The following MAP3K5 variants were observed in gnomAD, a reference collection of about 807,000 sequenced individuals.
The protein encoded by MAP3K5 is mitogen-activated protein kinase kinase kinase 5.
Under a neutral mutation model 158.7 loss-of-function variants are expected in MAP3K5, and 56 were observed. That is an observed-to-expected ratio of 0.35 (90% confidence interval 0.28 to 0.44). The LOEUF is 0.44. Ranked by LOEUF, MAP3K5 falls within the 20% of genes least tolerant of loss-of-function variation. The probability of loss-of-function intolerance (pLI) is 1.00; values close to 1 mark genes in which losing one functional copy is unlikely to be tolerated. For missense variants in MAP3K5, 1,294 were observed against 1,674.8 expected, an observed-to-expected ratio of 0.77 and a Z score of 3.97; for synonymous variants, 579 against 601.7, an observed-to-expected ratio of 0.96 and a Z score of 0.55.
At chr6:136,688,552 A>G (rs1226392314) in intron 7 of MAP3K5, among the ~76,000 whole-genome samples, 1 of 152,196 alleles carries the variant, frequency 6.6e-6, no homozygotes, top group Non-Finnish European at 1.5e-5. Flanking sequence ...CCTTGAACAC[A>G]AAGCTCTTTT....
intron 2 of MAP3K5, among the ~76,000 whole-genome samples, chr6:136,708,256 A>T (rs894987066): frequency 4.0e-5 from 6 of 148,864 alleles, no homozygotes; most frequent in African/African-American, 4.9e-5. Flanking sequence ...AGTATTAATT[A>T]TTTTTTTTTA....
chr6:136,780,588 T>C (rs1570054), intron 1 of MAP3K5, among the ~76,000 whole-genome samples: 94,856 of 152,010 alleles, frequency 0.62, 29,696 homozygotes, highest in Admixed American at 0.67. Flanking sequence ...TGGCGCTTCC[T>C]GTGAAGAATG....
chr6:136,679,791 C>T (rs938191934), intron 7 of MAP3K5, among the ~76,000 whole-genome samples: 8 of 152,050 alleles, frequency 5.3e-5, no homozygotes, highest in African/African-American at 1.4e-4. Flanking sequence ...CCACAATTTT[C>T]TTCTGGGTAT....
At chr6:136,780,996 T>G (rs2115038517) in intron 1 of MAP3K5, among the ~76,000 whole-genome samples, 1 of 152,334 alleles carries the variant, frequency 6.6e-6, no homozygotes, top group Admixed American at 6.5e-5. Flanking sequence ...CCTGATTCAG[T>G]AAGAGGCATA....
At chr6:136,585,883 C>T (rs1775117920) in intron 23 of MAP3K5, among the ~76,000 whole-genome samples, 1 of 152,128 alleles carries the variant, frequency 6.6e-6, no homozygotes, top group Non-Finnish European at 1.5e-5. Context: ...ATATAAGAAA[C>T]TTTAAGAAAC....
At chr6:136,615,673 C>T (rs1776531907) in intron 15 of MAP3K5, among the ~76,000 whole-genome samples, 1 of 152,056 alleles carries the variant, frequency 6.6e-6, no homozygotes, top group Admixed American at 6.6e-5. Flanking sequence ...GTGTCAGCAA[C>T]AATAAATACA....
chr6:136,614,184 T>A lies in MAP3K5; in HGVS notation c.2253A>T (p.Lys751Asn), dbSNP rs202151783. Residue 751 changes from lysine (K) to asparagine (N), a missense_variant, in exon 16 of 30, where the codon AAA (lysine) becomes AAT (asparagine). Around this residue, in one of 5 missense-constraint regions of MAP3K5, gnomAD observed 41 missense variants for 98.2 expected, o/e 0.42. Coordinates refer to ENST00000359015, the MANE Select transcript of MAP3K5 (RefSeq NM_005923.4). ...LGSFSENGFI[K>N]IFMEQVPGGS... ...CTCCAGGGACCTGCTCCATGAAGAT[T>A]TTAATGAAACCATTCTCACTGAAAG... 3.1e-6 allele frequency: 5 copies of A among 1,613,814 alleles called. No individual in the cohort carries two copies. The highest frequency in any genetic ancestry group is 2.7e-5 in the African/African-American group (2 of 75,038).
intron 14 of MAP3K5, among the ~76,000 whole-genome samples, chr6:136,623,745 G>A (rs1776912135): frequency 6.6e-6 from 1 of 152,166 alleles, no homozygotes; most frequent in African/African-American, 2.4e-5. Flanking sequence ...ACATGATCAA[G>A]GCATGTCCCT....
rs1780241868 is a variant in MAP3K5 at position 136,688,330 on chromosome 6, G to A, written c.1253+5810C>T. 2.6e-5 allele frequency among the ~76,000 whole-genome samples: 4 copies of A among 152,028 alleles called. No individual in the cohort carries two copies. The South Asian group carries it at 8.3e-4, about 31-fold the overall frequency. On this transcript the variant is annotated intron_variant, in intron 7 of 29. Transcript: ENST00000359015. ...AAATACCTAATGTAGATGACGGGTT[G>A]ATGGGTGCAGCAAACCACCATGGCA...
chr6:136,706,239 C>A (rs1352631844), intron 2 of MAP3K5, among the ~76,000 whole-genome samples: 1 of 152,012 alleles, frequency 6.6e-6, no homozygotes, highest in Non-Finnish European at 1.5e-5. Context: ...GCACTCTAAC[C>A]TGGGTGACAG....
At chr6:136,671,335 G>A (rs1163879403) in intron 7 of MAP3K5, among the ~76,000 whole-genome samples, 1 of 152,052 alleles carries the variant, frequency 6.6e-6, no homozygotes, top group Non-Finnish European at 1.5e-5. Flanking sequence ...ATATATTTTT[G>A]TATTTTAAAT....
chr6:136,773,572 G>A (rs191202732), intron 1 of MAP3K5, among the ~76,000 whole-genome samples: 149 of 152,178 alleles, frequency 9.8e-4, no homozygotes, highest in African/African-American at 3.5e-3. Flanking sequence ...CATCTGTTGT[G>A]CCATCTTACC....
intron 23 of MAP3K5, among the ~76,000 whole-genome samples, chr6:136,587,767 C>T (rs56824816): frequency 1.0e-3 from 154 of 152,328 alleles, no homozygotes; most frequent in African/African-American, 3.5e-3. Flanking sequence ...TCACTGGTAG[C>T]TTCATGCTGG....
chr6:136,584,295 G>A (rs1044818665), intron 23 of MAP3K5: 2 of 152,328 alleles, frequency 1.3e-5, no homozygotes, highest in Admixed American at 6.5e-5. Flanking sequence ...CAGAAGCAAT[G>A]GAATTGAGAA....
rs148333891 is a variant in MAP3K5 at position 136,592,159 on chromosome 6, G to C, written c.3225+14C>G. On this transcript the variant is annotated intron_variant, in intron 23 of 29. Coordinates refer to ENST00000359015, the MANE Select transcript of MAP3K5 (RefSeq NM_005923.4). ...GTAACCTTTGGGAAATGAAGCACCT[G>C]GGAGAGGATTTACCTGAGCTAAAGA... is the stretch of plus-strand genomic sequence containing the variant. The C allele has an allele frequency of 1.1e-5, 17 of 1,554,794 alleles. No homozygotes were observed. The African/African-American group carries it at 2.2e-4, about 20-fold the overall frequency.
At chr6:136,592,678 A>C in intron 21 of MAP3K5, 64 bp from the exon 22 acceptor site, 1 of 1,329,146 alleles carries the variant, frequency 7.5e-7, no homozygotes, top group Non-Finnish European at 1.1e-6. Flanking sequence ...ATACTGAAAC[A>C]CCCATTGAAA....
chr6:136,603,360 T>TA (rs1006871572), intron 19 of MAP3K5, among the ~76,000 whole-genome samples: 24 of 149,398 alleles, frequency 1.6e-4, no homozygotes, highest in Non-Finnish European at 3.4e-4. Context: ...TTTTTTTTAG[T>TA]AGAGATGAGG....
intron 1 of MAP3K5, among the ~76,000 whole-genome samples, chr6:136,726,308 A>C (rs928270881): frequency 1.3e-5 from 2 of 152,228 alleles, no homozygotes; most frequent in Non-Finnish European, 1.5e-5. Context: ...TGAGTCTTTC[A>C]ATCCATGAAT....
chr6:136,642,000 T>C (rs1777969007), intron 12 of MAP3K5, among the ~76,000 whole-genome samples: 1 of 104,394 alleles, frequency 9.6e-6, no homozygotes, highest in African/African-American at 3.9e-5. Flanking sequence ...CAAAATAAAA[T>C]AAAATAAAAT....
Sources: gnomAD v4.1 joint callset for allele counts (sites outside exome capture counted in the v4.1 genomes callset) on GRCh38, gnomAD v4.1.1 for gene constraint, gnomAD v4.1.1 regional missense constraint, MANE v1.5 for transcripts, NCBI Gene and HGNC (gene_info 2026-07-23, HGNC 2026-07-21) for gene names.